Variants in NXPE2 observed in about 807,000 individuals in gnomAD.
The protein encoded by NXPE2 is NXPE family member 2.
In NXPE2, 34 loss-of-function variants were observed where a neutral mutation model predicts 34.4. The ratio of observed to expected loss-of-function variants is 0.99; its 90% confidence interval spans 0.75 to 1.31. The LOEUF is 1.31. Among genes scored for constraint, NXPE2 ranks in the 40% most tolerant of loss-of-function variants. The pLI is 0.00. For missense variants in NXPE2, 649 were observed against 672.5 expected (o/e 0.97, Z 0.39); for synonymous variants, 235 against 231.3 (o/e 1.02, Z -0.15).
At chr11:114,626,028 C>A in the NXPE2 span, among the ~76,000 whole-genome samples, 1 of 152,202 alleles carries the variant, frequency 6.6e-6, no homozygotes, top group Non-Finnish European at 1.5e-5. Context: ...GGGTCCTACG[C>A]CCACGGAGTC....
chr11:114,566,480 T>C, the NXPE2 span, among the ~76,000 whole-genome samples: 1 of 151,966 alleles, frequency 6.6e-6, no homozygotes, highest in African/African-American at 2.4e-5. Flanking sequence ...AGAGGCTGAG[T>C]TGGATGAAGA....
chr11:114,468,404 G>A, the NXPE2 span, among the ~76,000 whole-genome samples: 6 of 152,234 alleles, frequency 3.9e-5, no homozygotes, highest in African/African-American at 1.4e-4. Context: ...ACATACCACT[G>A]GGCTTTTGCA....
chr11:114,751,283 C>T, the NXPE2 span, among the ~76,000 whole-genome samples: 86 of 152,234 alleles, frequency 5.6e-4, no homozygotes, highest in Non-Finnish European at 9.3e-4. Context: ...TATTGGCAAA[C>T]GGTTGTACTA....
chr11:114,570,727 T>C, the NXPE2 span: 1 of 455,230 alleles, frequency 2.2e-6, no homozygotes, highest in Admixed American at 3.9e-5. Context: ...GGGTAGGCTC[T>C]TTTCATGAGT....
At chr11:114,708,183 T>C (rs1284267353), downstream of NXPE2, among the ~76,000 whole-genome samples, 3 of 152,116 alleles carry the variant, frequency 2.0e-5, 1 homozygote, top group Non-Finnish European at 4.4e-5. Flanking sequence ...TCTTCTTGCT[T>C]AGGAAAATTA....
the NXPE2 span, among the ~76,000 whole-genome samples, chr11:114,604,431 T>G: frequency 7.1e-6 from 1 of 141,426 alleles, no homozygotes; most frequent in Non-Finnish European, 1.5e-5. Flanking sequence ...TGGGTAACCA[T>G]TGTTACCCGG....
the NXPE2 span, among the ~76,000 whole-genome samples, chr11:114,673,178 T>G: frequency 6.6e-6 from 1 of 150,548 alleles, no homozygotes; most frequent in African/African-American, 2.4e-5. Context: ...GAAAATAAAT[T>G]TGGAAAATTC....
the NXPE2 span, among the ~76,000 whole-genome samples, chr11:114,550,482 G>A: frequency 6.6e-6 from 1 of 152,042 alleles, no homozygotes; most frequent in Non-Finnish European, 1.5e-5. Context: ...ATATAGAATG[G>A]AATTTTAAAT....
the NXPE2 span, among the ~76,000 whole-genome samples, chr11:114,518,893 TA>T: frequency 2.2e-5 from 3 of 138,730 alleles, no homozygotes; most frequent in African/African-American, 9.7e-5. Context: ...ATTCATGCTA[TA>T]AAGAAGTATT....
At chr11:114,527,992 AG>A in the NXPE2 span, 1 of 862,360 alleles carries the variant, frequency 1.2e-6, no homozygotes, top group Non-Finnish European at 1.8e-6. Flanking sequence ...GAAAATTTTT[AG>A]TTTTCTATAA....
the NXPE2 span, among the ~76,000 whole-genome samples, chr11:114,474,952 A>G: frequency 6.6e-6 from 1 of 152,208 alleles, no homozygotes; most frequent in Non-Finnish European, 1.5e-5. Flanking sequence ...TCAAAACTCT[A>G]TAACTGGTGA....
At chr11:114,662,674 T>C in the NXPE2 span, among the ~76,000 whole-genome samples, 12 of 152,144 alleles carry the variant, frequency 7.9e-5, no homozygotes, top group East Asian at 1.4e-3. Context: ...GGAAGAGTGG[T>C]GAGGACTTTG....
chr11:114,528,864 C>T, the NXPE2 span: 1 of 650,792 alleles, frequency 1.5e-6, no homozygotes, highest in South Asian at 1.7e-5. Context: ...ATGTTTTCAT[C>T]CTTACTAGGA....
the NXPE2 span, chr11:114,551,033 A>G: frequency 1.3e-6 from 1 of 791,708 alleles, no homozygotes; most frequent in Non-Finnish European, 2.1e-6. Context: ...ATGGAGTGGG[A>G]CTGACTTGAG....
chr11:114,649,634 C>G, the NXPE2 span, among the ~76,000 whole-genome samples: 1 of 152,150 alleles, frequency 6.6e-6, no homozygotes, highest in African/African-American at 2.4e-5. Context: ...TGGTAATACA[C>G]CCCTATGAAA....
At chr11:114,685,721 A>T (rs1274487865) in intron 2 of NXPE2, among the ~76,000 whole-genome samples, 3 of 152,268 alleles carry the variant, frequency 2.0e-5, no homozygotes, top group African/African-American at 7.2e-5. Flanking sequence ...TTAAATGCTG[A>T]TCTTGTCCCT....
chr11:114,682,606 G>A (rs947778592), intron 2 of NXPE2, among the ~76,000 whole-genome samples: 1 of 152,156 alleles, frequency 6.6e-6, no homozygotes, highest in Non-Finnish European at 1.5e-5. Flanking sequence ...ACAGGAAGAT[G>A]CAAGGAAGTA....
the NXPE2 span, among the ~76,000 whole-genome samples, chr11:114,669,295 A>G: frequency 6.6e-6 from 1 of 152,116 alleles, no homozygotes; most frequent in African/African-American, 2.4e-5. Flanking sequence ...GAATGGAAAA[A>G]GACTGGAAAT....
chr11:114,706,542 T>C lies in NXPE2; in HGVS notation c.1292T>C (p.Ile431Thr). Residue 431 changes from isoleucine (I) to threonine (T), a missense_variant, in exon 6 of 6, where the codon ATC becomes ACC. By Grantham distance (89) the Ile-to-Thr change is moderately conservative. Coordinates refer to ENST00000389586, the MANE Select transcript of NXPE2 (RefSeq NM_182495.6). ...TTCTCAGTGAAAGATGAAAACTATA[T>C]CCCACGGGAAATTGACCAGGTAGCA... ...KLFSVKDENY[I>T]PREIDQVAGD... The C allele has an allele frequency of 6.4e-7, 1 of 1,551,836 alleles. No individual in the cohort carries two copies. The highest frequency in any genetic ancestry group is 2.0e-5 in the Admixed American group (1 of 50,992).
Sources: allele counts gnomAD v4.1 joint callset (sites outside exome capture counted in the v4.1 genomes callset), GRCh38; gene constraint gnomAD v4.1.1; transcripts MANE v1.5; gene names NCBI Gene and HGNC (gene_info 2026-07-23, HGNC 2026-07-21).